The following ARHGAP15 variants were observed in gnomAD, a reference collection of about 807,000 sequenced individuals.
The protein encoded by ARHGAP15 is rho GTPase-activating protein 15.
Under a neutral mutation model 63.7 loss-of-function variants are expected in ARHGAP15, and 51 were observed. The observed-to-expected ratio is 0.80, with a 90% CI of 0.64 to 1.01. ARHGAP15 has a LOEUF of 1.01. ARHGAP15 is among the 50% of genes least tolerant of loss of function. The pLI, the probability that ARHGAP15 is intolerant of heterozygous loss-of-function variation, is 0.00. For missense variants in ARHGAP15, 560 were observed against 564.6 expected (o/e 0.99, Z 0.08); for synonymous variants, 191 against 193.8 (o/e 0.99, Z 0.12).
intron 12 of ARHGAP15, among the ~76,000 whole-genome samples, chr2:143,642,808 G>T (rs1017421857): frequency 6.6e-6 from 1 of 152,138 alleles, no homozygotes; most frequent in Non-Finnish European, 1.5e-5. Flanking sequence ...GCCAGGGAAT[G>T]TTGGCTCCAG....
chr2:143,202,203 G>A lies in ARHGAP15; in HGVS notation c.234+1G>A. 1 of 1,609,014 alleles carries A rather than the reference G, an allele frequency of 6.2e-7. No individual in the cohort carries two copies. The highest frequency in any genetic ancestry group is 1.1e-5 in the South Asian group (1 of 90,990). The stretch of plus-strand genomic sequence containing the variant: ...TGTCATTCCTCCATTGGAACAACTG[G>A]TGAGTGTTTAAGTCATTATATTCTT... On this transcript the variant is annotated splice_donor_variant, in intron 3 of 13. Coordinates refer to ENST00000295095, the MANE Select transcript of ARHGAP15 (RefSeq NM_018460.4). LOFTEE classifies it high-confidence loss of function.
intron 6 of ARHGAP15, among the ~76,000 whole-genome samples, chr2:143,290,830 A>G (rs1682359528): frequency 6.6e-6 from 1 of 152,140 alleles, no homozygotes; most frequent in African/African-American, 2.4e-5. Context: ...GAAATGAGGG[A>G]AACACAGATT....
intron 2 of ARHGAP15, among the ~76,000 whole-genome samples, chr2:143,188,044 G>GT (rs1226408983): frequency 6.6e-6 from 1 of 151,866 alleles, no homozygotes; most frequent in Non-Finnish European, 1.5e-5. Context: ...CAACAGCTTT[G>GT]TTTTTTTGTT....
intron 5 of ARHGAP15, among the ~76,000 whole-genome samples, chr2:143,234,405 T>C (rs1441939682): frequency 1.3e-5 from 2 of 152,190 alleles, no homozygotes; most frequent in Non-Finnish European, 2.9e-5. Flanking sequence ...TCATTGTTAT[T>C]GAAATATTAT....
intron 6 of ARHGAP15, among the ~76,000 whole-genome samples, chr2:143,424,824 A>G (rs1463682813): frequency 6.6e-6 from 1 of 152,116 alleles, no homozygotes; most frequent in Non-Finnish European, 1.5e-5. Flanking sequence ...GCTTCTTAAG[A>G]GGAAGGGTCA....
In ARHGAP15 at chr2:143,464,053, C is replaced by CCT. The variant is rs1312894859; in HGVS notation, c.704-23317_704-23316dup. 2.0e-5 allele frequency among the ~76,000 whole-genome samples: 3 copies of CCT among 152,288 alleles called. No homozygotes were observed. The East Asian group carries it at 5.8e-4, about 29-fold the overall frequency. ...AACAGTAAAATGTTGCTTTCAACTA[C>CCT]CTCTTACCCTCTTTTCAAAGAACAA... On this transcript the variant is annotated intron_variant, in intron 8 of 13. Coordinates refer to ENST00000295095, the MANE Select transcript of ARHGAP15 (RefSeq NM_018460.4).
intron 11 of ARHGAP15, among the ~76,000 whole-genome samples, chr2:143,566,945 G>A (rs541759207): frequency 2.6e-5 from 4 of 151,360 alleles, no homozygotes; most frequent in Admixed American, 6.6e-5. Flanking sequence ...CCACGATCTC[G>A]GTTCACTGCA....
At chr2:143,423,410 T>C (rs1689013239) in intron 6 of ARHGAP15, among the ~76,000 whole-genome samples, 1 of 152,140 alleles carries the variant, frequency 6.6e-6, no homozygotes, top group African/African-American at 2.4e-5. Context: ...CCTAAGCCAA[T>C]TGAGCTATCA....
intron 11 of ARHGAP15, among the ~76,000 whole-genome samples, chr2:143,622,388 T>C (rs1228497656): frequency 6.6e-6 from 1 of 152,088 alleles, no homozygotes; most frequent in Non-Finnish European, 1.5e-5. Context: ...TTTCAAAATA[T>C]CTGACAGATT....
intron 12 of ARHGAP15, among the ~76,000 whole-genome samples, chr2:143,680,368 T>C (rs1488986835): frequency 6.6e-6 from 1 of 152,228 alleles, no homozygotes; most frequent in Admixed American, 6.5e-5. Context: ...TAGCTTAAAT[T>C]CCAGCTTGGT....
chr2:143,346,170 ACACTCTCT>A (rs1378743934), intron 6 of ARHGAP15, among the ~76,000 whole-genome samples: 1 of 115,018 alleles, frequency 8.7e-6, no homozygotes, highest in Non-Finnish European at 1.7e-5. Context: ...ACACACACAC[ACACTCTCT>A]CTCTCACACA....
chr2:143,555,004 A>T (rs571526733), intron 10 of ARHGAP15, among the ~76,000 whole-genome samples: 3 of 152,184 alleles, frequency 2.0e-5, no homozygotes, highest in African/African-American at 7.2e-5. Flanking sequence ...TTATTCTAGA[A>T]CTATAAAGTC....
intron 8 of ARHGAP15, among the ~76,000 whole-genome samples, chr2:143,452,795 TA>T (rs1295976175): frequency 6.6e-6 from 1 of 151,980 alleles, no homozygotes; most frequent in Non-Finnish European, 1.5e-5. Context: ...TTTAATCTTT[TA>T]TCATTTCTAC....
At chr2:143,454,646 A>G (rs1690562140) in intron 8 of ARHGAP15, among the ~76,000 whole-genome samples, 1 of 152,088 alleles carries the variant, frequency 6.6e-6, no homozygotes, top group African/African-American at 2.4e-5. Context: ...GCACAGAGCA[A>G]TACTCCTCCT....
At chr2:143,435,913 C>T (rs2105090704) in intron 7 of ARHGAP15, among the ~76,000 whole-genome samples, 1 of 152,094 alleles carries the variant, frequency 6.6e-6, no homozygotes, top group South Asian at 2.1e-4. Flanking sequence ...AAATATAGTG[C>T]ATTCTTTCTT....
At chr2:143,554,300 CTTTG>C (rs567378642) in intron 10 of ARHGAP15, among the ~76,000 whole-genome samples, 50 of 152,140 alleles carry the variant, frequency 3.3e-4, no homozygotes, top group African/African-American at 5.5e-4. Flanking sequence ...TTTGATCAAA[CTTTG>C]TTTGTTTGTG....
chr2:143,330,117 AAAAAAAAAAAAAAACCAAAAAC>A lies in ARHGAP15; in HGVS notation c.474+79524_474+79545del, dbSNP rs1211439517. ...CTCAAAAAAAAAAAAAAAAAAAAAA[AAAAAAAAAAAAAAACCAAAAAC>A]AAAAAACTAAACTAATGATTAATAA... On this transcript the variant is annotated intron_variant, in intron 6 of 13. Transcript: ENST00000295095. Among the ~76,000 whole-genome samples the A allele has an allele frequency of 1.6e-3, 138 of 85,320 alleles. 6 individuals are homozygous for A. The highest frequency in any genetic ancestry group is 2.5e-3 in the Non-Finnish European group (107 of 42,684). 56.0% of individuals were successfully genotyped at this position (85,320 alleles called of 152,430 possible).
intron 6 of ARHGAP15, among the ~76,000 whole-genome samples, chr2:143,266,674 T>C (rs1330952289): frequency 6.6e-6 from 1 of 152,208 alleles, no homozygotes; most frequent in African/African-American, 2.4e-5. Flanking sequence ...GAGTTCTCCT[T>C]AAATTATTTT....
chr2:143,750,632 T>G (rs1203178597), intron 13 of ARHGAP15, among the ~76,000 whole-genome samples: 1 of 152,144 alleles, frequency 6.6e-6, no homozygotes, highest in Non-Finnish European at 1.5e-5. Context: ...ACTTAAGATT[T>G]TGAGCTTCCA....
Sources: allele counts gnomAD v4.1 joint callset (sites outside exome capture counted in the v4.1 genomes callset), GRCh38; gene constraint gnomAD v4.1.1; transcripts MANE v1.5; gene names NCBI Gene and HGNC (gene_info 2026-07-23, HGNC 2026-07-21).